The following RNF17 variants were observed in gnomAD, a reference collection of about 807,000 sequenced individuals.
RNF17 encodes ring finger protein 17.
A neutral mutation model predicts 200.5 loss-of-function variants in RNF17; 31 were observed. That is an observed-to-expected ratio of 0.15 (90% CI 0.12 to 0.21). RNF17 has a LOEUF of 0.21. Ranked by LOEUF, RNF17 falls within the 10% of genes least tolerant of loss-of-function variation. The pLI is 1.00. For missense variants in RNF17, 1,628 were observed against 1,905.1 expected (o/e 0.85, Z 2.71); for synonymous variants, 606 against 637.8 (o/e 0.95, Z 0.75).
chr13:24,857,307 AT>A (rs35071308), intron 25 of RNF17, among the ~76,000 whole-genome samples: 4 of 150,656 alleles, frequency 2.7e-5, no homozygotes, highest in Admixed American at 1.3e-4. Context: ...CTGGAGTCCC[AT>A]TTTTTTTGTA....
the RNF17 span, among the ~76,000 whole-genome samples, chr13:24,754,491 A>C: frequency 1.3e-5 from 2 of 152,150 alleles, no homozygotes; most frequent in Admixed American, 6.5e-5. Context: ...GGTGGTATGC[A>C]ATCAGAAGAC....
rs1164603563 is a variant in RNF17 at position 24,832,092 on chromosome 13, G to C, written c.2482+114G>C. The C allele has an allele frequency of 7.0e-6, 5 of 718,918 alleles. No individual in the cohort carries two copies. The East Asian group carries it at 1.3e-4, about 18-fold the overall frequency. 44.5% of individuals were successfully genotyped at this position (718,918 alleles called of 1,614,324 possible). The stretch of plus-strand genomic sequence containing the variant: ...TGTGCCATCAGTAGTGGTGGTGAGA[G>C]ATAAGATTTGTTGAGAATTAGGTAC... On this transcript the variant is annotated intron_variant, in intron 18 of 35. Coordinates refer to ENST00000255324, the MANE Select transcript of RNF17 (RefSeq NM_031277.3).
the RNF17 span, among the ~76,000 whole-genome samples, chr13:24,753,475 C>T: frequency 6.6e-6 from 1 of 152,140 alleles, no homozygotes; most frequent in South Asian, 2.1e-4. Flanking sequence ...GAGGGGGAAC[C>T]TTACCTGATG....
intron 18 of RNF17, among the ~76,000 whole-genome samples, chr13:24,835,772 C>G (rs559279107): frequency 6.6e-6 from 1 of 152,082 alleles, no homozygotes; most frequent in African/African-American, 2.4e-5. Flanking sequence ...CTCTTCAATA[C>G]CCCCCCAAAA....
chr13:24,871,958 CTTTTTTTTTT>C (rs60797153), intron 32 of RNF17, among the ~76,000 whole-genome samples: 2,066 of 71,780 alleles, frequency 0.029, 81 homozygotes, highest in African/African-American at 0.11. Flanking sequence ...TTATTGATGA[CTTTTTTTTTT>C]TTTTTTTTTT....
intron 32 of RNF17, among the ~76,000 whole-genome samples, chr13:24,872,913 T>A (rs2138432938): frequency 8.2e-6 from 1 of 122,552 alleles, no homozygotes; most frequent in South Asian, 2.4e-4. Flanking sequence ...ATCAAAGTTT[T>A]AAGTAATCCT....
chr13:24,836,276 G>A (rs1889991425), intron 18 of RNF17, among the ~76,000 whole-genome samples: 1 of 152,108 alleles, frequency 6.6e-6, no homozygotes, highest in Non-Finnish European at 1.5e-5. Context: ...CACAAAGCTT[G>A]GAAAATGTAT....
chr13:24,774,470 A>G (rs965317724), intron 2 of RNF17, among the ~76,000 whole-genome samples: 2 of 152,256 alleles, frequency 1.3e-5, no homozygotes, highest in South Asian at 4.1e-4. Context: ...TTGGCCTCCC[A>G]AAGTGCTAGG....
At chr13:24,751,519 G>A in the RNF17 span, 1 of 152,082 alleles carries the variant, frequency 6.6e-6, no homozygotes, top group Non-Finnish European at 1.5e-5. Context: ...TTTTACAGGA[G>A]ACACTTCTAC....
At chr13:24,879,013 A>G (rs1895153825) in intron 34 of RNF17, among the ~76,000 whole-genome samples, 174 bp from the exon 35 acceptor site, 1 of 152,222 alleles carries the variant, frequency 6.6e-6, no homozygotes, top group African/African-American at 2.4e-5. Flanking sequence ...AGAAGAATGG[A>G]AAGAATGGGA....
Position 24,764,906 on chromosome 13 carries a change from T to G in RNF17, c.130+573T>G, listed in dbSNP as rs1335230591. Among the ~76,000 whole-genome samples, 24 of 92,168 alleles carry G rather than the reference T, an allele frequency of 2.6e-4. 1 individual carries two copies. Among genetic ancestry groups the G allele is most frequent in the East Asian group, 1.5e-3 (4 of 2,734 alleles). 60.5% of individuals were successfully genotyped at this position (92,168 alleles called of 152,430 possible). A position where few individuals can be genotyped will look rare whatever the true frequency, so the allele number is the denominator to read the frequency against. On this transcript the variant is annotated intron_variant, in intron 1 of 35. Transcript: ENST00000255324. ...CTTGTGGGGTGTGTGTGTGTGTGTG[T>G]GTGTGTGTGTGTGTGTGTTGGTCTT...
At position 24,830,007 on chromosome 13, in the gene RNF17, C is replaced by T. The variant is rs143268922; in HGVS notation, c.2246-477C>T. Among the ~76,000 whole-genome samples the T allele has an allele frequency of 4.4e-3, 665 of 152,172 alleles. 3 individuals are homozygous for T. The highest frequency in any genetic ancestry group is 0.015 in the African/African-American group (636 of 41,508). On this transcript the variant is annotated intron_variant, in intron 16 of 35. Transcript: ENST00000255324. ...TTGTACCTTGTGCTTTTTAAATAGGCGAATCCTCCAAAAACATCTCATGAA... is the reference window on the plus strand; with the variant it reads ...TTGTACCTTGTGCTTTTTAAATAGGTGAATCCTCCAAAAACATCTCATGAA...
intron 18 of RNF17, 54 bp downstream of exon 18, chr13:24,832,032 T>C: frequency 1.6e-6 from 2 of 1,224,746 alleles, no homozygotes; most frequent in Non-Finnish European, 2.3e-6. Context: ...AATAATAATA[T>C]GAATAACATT....
chr13:24,841,931 A>T (rs1410146320), intron 18 of RNF17, 110 bp from the exon 19 acceptor site: 3 of 836,050 alleles, frequency 3.6e-6, no homozygotes, highest in Admixed American at 5.0e-5. Flanking sequence ...GTGCCACTGC[A>T]CTCCAGCCTG....
intron 3 of RNF17, 58 bp from the exon 4 acceptor site, chr13:24,778,237 G>A: frequency 1.7e-6 from 2 of 1,176,858 alleles, no homozygotes; most frequent in Non-Finnish European, 2.5e-6. Context: ...ACTCTGGCCT[G>A]GGTGACAGAG....
rs757964230 is a variant in RNF17 at position 24,844,652 on chromosome 13, T to G, written c.2832T>G (p.Ser944Arg). The G allele has an allele frequency of 5.1e-6, 8 of 1,583,638 alleles. No homozygotes were observed. The highest frequency in any genetic ancestry group is 6.9e-6 in the Non-Finnish European group (8 of 1,156,296). ...QWLLTENLLNSLEEKMIAAYE... is the reference protein window; with the variant it reads ...QWLLTENLLNRLEEKMIAAYE... ...AGTTAAATATTTTTTATCTCTATAGTTTAGAAGAAAAGATGATAGCTGCTT... is the reference window on the plus strand; with the variant it reads ...AGTTAAATATTTTTTATCTCTATAGGTTAGAAGAAAAGATGATAGCTGCTT... Residue 944 changes from serine (S) to arginine (R), a missense_variant and splice_region_variant, in exon 21 of 36, where the codon AGT (serine) becomes AGG (arginine). By Grantham distance (110) the Ser-to-Arg change is moderately radical. Around this residue, in one of 5 missense-constraint regions of RNF17, gnomAD observed 227 missense variants for 319.8 expected, o/e 0.71. Coordinates refer to ENST00000255324, the MANE Select transcript of RNF17 (RefSeq NM_031277.3).
intron 2 of RNF17, among the ~76,000 whole-genome samples, chr13:24,770,785 T>G (rs1473508695): frequency 2.0e-5 from 3 of 152,342 alleles, no homozygotes; most frequent in Middle Eastern, 3.4e-3. Flanking sequence ...TCTATTCTCA[T>G]GAAAATAAGC....
chr13:24,794,747 G>A (rs1212869826), intron 10 of RNF17, among the ~76,000 whole-genome samples: 1 of 152,156 alleles, frequency 6.6e-6, no homozygotes, highest in East Asian at 1.9e-4. Flanking sequence ...TTTTGAGACA[G>A]AGTCTTACTG....
chr13:24,825,681 T>C lies in RNF17; in HGVS notation c.2154T>C (p.Asp718=), dbSNP rs1263680619. ...TCGAGGAATTCTATAAAAGTGAAGA[T>C]GGAGAAAATCTGGAAATCCTCTGTC... ...KTIEEFYKSE[D]GENLEILCPV... Residue 718 remains aspartate (D), a synonymous_variant, in exon 16 of 36, where the codon GAT becomes GAC. Transcript: ENST00000255324. The C allele has an allele frequency of 1.2e-6, 2 of 1,610,906 alleles. No homozygotes were observed. Among genetic ancestry groups the C allele is most frequent in the Non-Finnish European group, 1.7e-6 (2 of 1,177,304 alleles).
Sources: gnomAD v4.1 joint callset for allele counts (sites outside exome capture counted in the v4.1 genomes callset) on GRCh38, gnomAD v4.1.1 for gene constraint, gnomAD v4.1.1 regional missense constraint, MANE v1.5 for transcripts, NCBI Gene and HGNC (gene_info 2026-07-23, HGNC 2026-07-21) for gene names.